The following TMEM135 variants were observed in gnomAD, a reference collection of about 807,000 sequenced individuals.
TMEM135 encodes the protein transmembrane protein 135.
TMEM135 carries 30 observed loss-of-function variants against 60.3 expected under a neutral mutation model. The ratio of observed to expected loss-of-function variants is 0.50; its 90% CI spans 0.37 to 0.68. The LOEUF (loss-of-function observed/expected upper bound fraction) is 0.68. Among genes scored for constraint, TMEM135 ranks in the 30% least tolerant of loss-of-function variants. TMEM135 has a pLI of 0.00. For synonymous variants in TMEM135, 190 were observed against 186.7 expected, an observed-to-expected ratio of 1.02 and a Z score of -0.14; for missense variants, 468 against 548.8, an observed-to-expected ratio of 0.85 and a Z score of 1.47.
intron 5 of TMEM135, among the ~76,000 whole-genome samples, chr11:87,219,167 G>C (rs1940566020): frequency 6.6e-6 from 1 of 152,130 alleles, no homozygotes; most frequent in African/African-American, 2.4e-5. Context: ...AATAGAAGCA[G>C]TTTGAGTACT....
intron 4 of TMEM135, among the ~76,000 whole-genome samples, chr11:87,125,686 A>G (rs1450698831): frequency 6.6e-6 from 1 of 152,208 alleles, no homozygotes; most frequent in Non-Finnish European, 1.5e-5. Flanking sequence ...TTAAAAAGCA[A>G]AAAGTGATGT....
rs1942695573 is a variant in TMEM135 at position 87,314,629 on chromosome 11, C to T, written c.1077+82C>T. ...GACTGTTTTAGCAGCAAATGTATAT[C>T]CCAATGGCAAACATAAATTTTAATC... On this transcript the variant is annotated intron_variant, in intron 12 of 14. Transcript: ENST00000305494. 16 of 1,093,428 alleles carry T rather than the reference C, an allele frequency of 1.5e-5. No individual in the cohort carries two copies. In the South Asian group the frequency reaches 1.8e-4, roughly 12 times the overall value. The allele number at this position is 1,093,428 out of a possible 1,614,324, so 67.7% of individuals were successfully genotyped here. A position where few individuals can be genotyped will look rare whatever the true frequency, so the allele number is the denominator to read the frequency against.
chr11:87,199,127 C>T (rs117878356), intron 5 of TMEM135, among the ~76,000 whole-genome samples: 2,189 of 152,188 alleles, frequency 0.014, 35 homozygotes, highest in Non-Finnish European at 0.023. Flanking sequence ...TTCGGGAGGC[C>T]GAGGCAGACA....
At chr11:87,230,637 T>G (rs1265469740) in intron 5 of TMEM135, among the ~76,000 whole-genome samples, 1 of 152,102 alleles carries the variant, frequency 6.6e-6, no homozygotes, top group Non-Finnish European at 1.5e-5. Flanking sequence ...AGATGTATAC[T>G]TTGCAGCTAA....
chr11:87,103,621 A>C (rs1390276953), intron 4 of TMEM135, among the ~76,000 whole-genome samples: 1 of 151,198 alleles, frequency 6.6e-6, no homozygotes, highest in Non-Finnish European at 1.5e-5. Context: ...CAGATGTATA[A>C]TTTGCAAATA....
intron 5 of TMEM135, among the ~76,000 whole-genome samples, chr11:87,236,170 G>A (rs79607598): frequency 0.13 from 18,811 of 149,838 alleles, 1,484 homozygotes; most frequent in African/African-American, 0.23. Context: ...CTTCTATCCC[G>A]TCTATATATG....
chr11:87,293,410 A>AC (rs1267764347), intron 6 of TMEM135, among the ~76,000 whole-genome samples: 1 of 151,986 alleles, frequency 6.6e-6, no homozygotes, highest in African/African-American at 2.4e-5. Context: ...ACAACAAAAA[A>AC]CGAGATACAT....
At chr11:87,139,694 A>G (rs2512350) in intron 4 of TMEM135, among the ~76,000 whole-genome samples, 72,314 of 152,062 alleles carry the variant, frequency 0.48, 17,499 homozygotes, top group East Asian at 0.67. Context: ...CAGTATCTCC[A>G]TATTCTCACT....
rs886092290 is a variant in TMEM135, at chr11:87,324,465, G to A, written c.*3132G>A. ...GAGTTGAGGTCTAGCTCTGTTGCCCGGGTTGGAGTACAGTGGTGCAATCAT... is the reference window on the plus strand; with the variant it reads ...GAGTTGAGGTCTAGCTCTGTTGCCCAGGTTGGAGTACAGTGGTGCAATCAT... On this transcript the variant is annotated 3_prime_UTR_variant, in exon 15 of 15. Coordinates refer to ENST00000305494, the MANE Select transcript of TMEM135 (RefSeq NM_022918.4). The A allele has an allele frequency of 4.6e-5, 21 of 453,696 alleles. No homozygotes were observed. The highest frequency in any genetic ancestry group is 9.4e-5 in the Admixed American group (4 of 42,508). 28.1% of individuals were successfully genotyped at this position (453,696 alleles called of 1,614,324 possible).
At chr11:87,052,985 T>TA (rs1741704399) in intron 1 of TMEM135, among the ~76,000 whole-genome samples, 2 of 116,706 alleles carry the variant, frequency 1.7e-5, no homozygotes, top group African/African-American at 3.5e-5. Flanking sequence ...TATGCAGCCA[T>TA]AAAAAATGAT....
chr11:87,318,098 T>G (rs764510264), intron 12 of TMEM135, 39 bp from the exon 13 acceptor site: 1 of 1,535,670 alleles, frequency 6.5e-7, no homozygotes, highest in East Asian at 2.2e-5. Flanking sequence ...AATGCTGAGG[T>G]TTTTTCTTTA....
At chr11:87,154,850 G>A (rs1591061160) in intron 4 of TMEM135, among the ~76,000 whole-genome samples, 2 of 152,364 alleles carry the variant, frequency 1.3e-5, no homozygotes, top group African/African-American at 4.8e-5. Context: ...AGTAGTAGGA[G>A]TTCCTAATAT....
At chr11:87,253,471 A>G (rs895077041) in intron 6 of TMEM135, among the ~76,000 whole-genome samples, 3 of 151,930 alleles carry the variant, frequency 2.0e-5, no homozygotes, top group Non-Finnish European at 4.4e-5. Context: ...TCAAAAGTGG[A>G]TGACATTCAC....
intron 5 of TMEM135, among the ~76,000 whole-genome samples, chr11:87,176,780 G>A (rs941710599): frequency 6.6e-6 from 1 of 152,116 alleles, no homozygotes; most frequent in Non-Finnish European, 1.5e-5. Context: ...GTTAGGGAGT[G>A]AGTGAATGAG....
At position 87,328,427 on chromosome 11, in the gene TMEM135, G is replaced by A. The variant is rs745598071; in HGVS notation, c.*7094G>A. ...TGGTTGCATGGATGAATTGTATATTGGTGAAGTCTGAAATTTTAGTGCACC... is the reference window on the plus strand; with the variant it reads ...TGGTTGCATGGATGAATTGTATATTAGTGAAGTCTGAAATTTTAGTGCACC... On this transcript the variant is annotated 3_prime_UTR_variant, in exon 15 of 15. Coordinates refer to ENST00000305494, the MANE Select transcript of TMEM135 (RefSeq NM_022918.4). 10 of 453,904 alleles carry A rather than the reference G, an allele frequency of 2.2e-5. No individual in the cohort carries two copies. The East Asian group carries it at 3.5e-4, about 16-fold the overall frequency. 28.1% of individuals were successfully genotyped at this position (453,904 alleles called of 1,614,324 possible).
At chr11:87,148,404 T>TG (rs1280863434) in intron 4 of TMEM135, among the ~76,000 whole-genome samples, 1 of 152,132 alleles carries the variant, frequency 6.6e-6, no homozygotes, top group Non-Finnish European at 1.5e-5. Flanking sequence ...AAAATGTTGG[T>TG]GGGAAGAGCT....
At chr11:87,087,593 A>G (rs1193594853) in intron 3 of TMEM135, among the ~76,000 whole-genome samples, 1 of 152,232 alleles carries the variant, frequency 6.6e-6, no homozygotes, top group African/African-American at 2.4e-5. Context: ...CAAACAAGTC[A>G]TGATAGGACC....
intron 5 of TMEM135, among the ~76,000 whole-genome samples, chr11:87,221,371 C>G (rs1940613680): frequency 6.6e-6 from 1 of 152,050 alleles, no homozygotes. Flanking sequence ...TAAGAGGATT[C>G]CAAAGGGGAA....
At chr11:87,258,026 C>T (rs1236460463) in intron 6 of TMEM135, among the ~76,000 whole-genome samples, 1 of 151,492 alleles carries the variant, frequency 6.6e-6, no homozygotes, top group African/African-American at 2.4e-5. Context: ...GAATACATTC[C>T]AATTTAGTAT....
Sources: gnomAD v4.1 joint callset for allele counts (sites outside exome capture counted in the v4.1 genomes callset) on GRCh38, gnomAD v4.1.1 for gene constraint, MANE v1.5 for transcripts, NCBI Gene and HGNC (gene_info 2026-07-23, HGNC 2026-07-21) for gene names.